PTPRG: variants seen among roughly 807,000 people sequenced by gnomAD.
The protein encoded by PTPRG is receptor-type tyrosine-protein phosphatase gamma.
PTPRG carries 102 observed loss-of-function variants against 165.3 expected under a neutral mutation model. The observed-to-expected ratio is 0.62, with a 90% CI of 0.53 to 0.73. PTPRG has a LOEUF of 0.73. PTPRG is among the 30% of genes least tolerant of loss of function. PTPRG has a pLI of 0.00. For synonymous variants in PTPRG, 675 were observed against 669.5 expected, an observed-to-expected ratio of 1.01 and a Z score of -0.13; for missense variants, 1,866 against 1,861.4, an observed-to-expected ratio of 1.00 and a Z score of -0.05.
intron 2 of PTPRG, among the ~76,000 whole-genome samples, chr3:61,850,227 A>G (rs2036922934): frequency 6.6e-6 from 1 of 151,856 alleles, no homozygotes; most frequent in African/African-American, 2.4e-5. Flanking sequence ...CAATGGTGCA[A>G]TCTTGGCTCA....
Position 61,754,958 on chromosome 3 carries a change from A to G in PTPRG, c.190+5976A>G, listed in dbSNP as rs991856529. 7.2e-4 allele frequency among the ~76,000 whole-genome samples: 109 copies of G among 151,246 alleles called. 1 individual carries two copies. Among genetic ancestry groups the G allele is most frequent in the African/African-American group, 2.4e-3 (101 of 41,330 alleles). On this transcript the variant is annotated intron_variant, in intron 2 of 29. Transcript: ENST00000474889. ...TTAAGGGAATCATTTCCTTAGAGAC[A>G]TTCTCTTCCTAATAGAGACCTCCTT...
intron 15 of PTPRG, among the ~76,000 whole-genome samples, chr3:62,253,436 G>T (rs1701466851): frequency 6.6e-6 from 1 of 152,100 alleles, no homozygotes; most frequent in Non-Finnish European, 1.5e-5. Context: ...GTTAGGTTGT[G>T]TCCCATCTCA....
At chr3:61,583,273 G>A (rs1700349242) in intron 1 of PTPRG, among the ~76,000 whole-genome samples, 2 of 152,190 alleles carry the variant, frequency 1.3e-5, no homozygotes, top group Admixed American at 1.3e-4. Context: ...CTGAACGCAA[G>A]GCTGAGGCAT....
intron 2 of PTPRG, among the ~76,000 whole-genome samples, chr3:61,928,406 T>G (rs1257469750): frequency 2.0e-5 from 3 of 152,220 alleles, no homozygotes; most frequent in Non-Finnish European, 4.4e-5. Context: ...CCAGACTTAT[T>G]TTGCCTGAGT....
intron 8 of PTPRG, among the ~76,000 whole-genome samples, chr3:62,189,499 C>G (rs1392751996): frequency 2.6e-5 from 4 of 152,184 alleles, no homozygotes; most frequent in African/African-American, 9.7e-5. Context: ...CCTGGCCTGT[C>G]TCTGCCAGCA....
At chr3:62,066,768 G>C (rs758743562) in intron 4 of PTPRG, among the ~76,000 whole-genome samples, 1 of 152,086 alleles carries the variant, frequency 6.6e-6, no homozygotes, top group Non-Finnish European at 1.5e-5. Flanking sequence ...GGCTGGGCGC[G>C]GTGGCTCATG....
At chr3:62,051,110 G>A (rs188548310) in intron 4 of PTPRG, among the ~76,000 whole-genome samples, 1 of 152,182 alleles carries the variant, frequency 6.6e-6, no homozygotes, top group Non-Finnish European at 1.5e-5. Flanking sequence ...CATAAGTGAG[G>A]CATGTCTCCA....
intron 5 of PTPRG, among the ~76,000 whole-genome samples, chr3:62,099,569 A>C (rs80086543): frequency 0.018 from 2,753 of 152,182 alleles, 36 homozygotes; most frequent in Middle Eastern, 0.027. Flanking sequence ...AGAAAGGTGG[A>C]TGGAAAAAAA....
chr3:62,064,648 A>G (rs1700946103), intron 4 of PTPRG, among the ~76,000 whole-genome samples: 1 of 151,954 alleles, frequency 6.6e-6, no homozygotes, highest in Non-Finnish European at 1.5e-5. Flanking sequence ...GTGAATAAAG[A>G]GCTCCTTAAA....
intron 4 of PTPRG, among the ~76,000 whole-genome samples, chr3:62,044,546 A>T (rs1188408061): frequency 6.6e-6 from 1 of 152,118 alleles, no homozygotes; most frequent in Non-Finnish European, 1.5e-5. Flanking sequence ...CTCAAAAAAA[A>T]AAGGAAAAAA....
intron 2 of PTPRG, among the ~76,000 whole-genome samples, chr3:61,755,162 C>A (rs1272737784): frequency 6.6e-6 from 1 of 152,116 alleles, no homozygotes; most frequent in Non-Finnish European, 1.5e-5. Context: ...CATGTGCCAC[C>A]ACGCCCGACT....
intron 1 of PTPRG, among the ~76,000 whole-genome samples, chr3:61,746,434 G>A (rs913912706): frequency 1.3e-5 from 2 of 151,738 alleles, no homozygotes; most frequent in African/African-American, 4.8e-5. Context: ...TGGCACACGC[G>A]CTAATTTTTT....
intron 8 of PTPRG, among the ~76,000 whole-genome samples, chr3:62,172,277 G>T (rs1576093372): frequency 6.6e-6 from 1 of 152,166 alleles, no homozygotes; most frequent in African/African-American, 2.4e-5. Flanking sequence ...GAATAGCATT[G>T]CTGGGTCATA....
rs1455480232 is a variant in PTPRG at position 62,294,863 on chromosome 3, G to C, written c.*1556G>C. On this transcript the variant is annotated 3_prime_UTR_variant, in exon 30 of 30. Coordinates refer to ENST00000474889, the MANE Select transcript of PTPRG (RefSeq NM_002841.4). ...CACGCTGGCTGCTGTCATGCCATCTGGGTATGCATTAAACATTAATGATGA... is the reference window on the plus strand; with the variant it reads ...CACGCTGGCTGCTGTCATGCCATCTCGGTATGCATTAAACATTAATGATGA... 6.6e-6 allele frequency: 1 copy of C among 152,066 alleles called. No individual in the cohort carries two copies. The highest frequency in any genetic ancestry group is 1.5e-5 in the Non-Finnish European group (1 of 68,002). The allele number at this position is 152,066 out of a possible 1,614,324, so 9.4% of individuals were successfully genotyped here. A position where few individuals can be genotyped will look rare whatever the true frequency, so the allele number is the denominator to read the frequency against.
Position 61,716,794 on chromosome 3 carries a change from A to C in PTPRG, c.86-32084A>C, listed in dbSNP as rs1283101398. 2.6e-5 allele frequency among the ~76,000 whole-genome samples: 4 copies of C among 152,172 alleles called. No individual in the cohort carries two copies. In the East Asian group the frequency reaches 7.7e-4, roughly 29 times the overall value. ...AAGACCAGCCTGGCCAAGATGGTGA[A>C]ACCCCATCTCTACTAAAAACTACAA... On this transcript the variant is annotated intron_variant, in intron 1 of 29. Transcript: ENST00000474889.
chr3:62,050,030 T>C (rs1700421151), intron 4 of PTPRG, among the ~76,000 whole-genome samples: 1 of 152,218 alleles, frequency 6.6e-6, no homozygotes, highest in Non-Finnish European at 1.5e-5. Flanking sequence ...AATATTTTAG[T>C]GGATGTTAGC....
intron 2 of PTPRG, among the ~76,000 whole-genome samples, chr3:61,863,883 C>T (rs2037337906): frequency 6.6e-6 from 1 of 152,178 alleles, no homozygotes; most frequent in Non-Finnish European, 1.5e-5. Context: ...CTAGTATGAA[C>T]GTCAGTGTTG....
intron 5 of PTPRG, among the ~76,000 whole-genome samples, chr3:62,107,204 A>G (rs1484992743): frequency 6.6e-6 from 1 of 152,252 alleles, no homozygotes; most frequent in Non-Finnish European, 1.5e-5. Flanking sequence ...TGTCACTAGA[A>G]TCAGATTCGT....
chr3:62,069,635 ATGTCTC>A (rs1394825605), intron 4 of PTPRG, among the ~76,000 whole-genome samples: 1 of 99,610 alleles, frequency 1.0e-5, no homozygotes, highest in Non-Finnish European at 2.0e-5. Flanking sequence ...CATAGGATCG[ATGTCTC>A]TCTCTCTCTC....
Sources: gnomAD v4.1 joint callset for allele counts (sites outside exome capture counted in the v4.1 genomes callset) on GRCh38, gnomAD v4.1.1 for gene constraint, MANE v1.5 for transcripts, NCBI Gene and HGNC (gene_info 2026-07-23, HGNC 2026-07-21) for gene names.